KIAA1217: variants seen among roughly 807,000 people sequenced by gnomAD.
KIAA1217 encodes sickle tail protein homolog.
KIAA1217 carries 88 observed loss-of-function variants against 163.9 expected under a neutral mutation model. The ratio of observed to expected loss-of-function variants is 0.54; its 90% CI spans 0.45 to 0.64. The LOEUF (loss-of-function observed/expected upper bound fraction) is 0.64. Among genes scored for constraint, KIAA1217 ranks in the 30% least tolerant of loss-of-function variants. The probability of loss-of-function intolerance (pLI) is 0.00; values close to 1 mark genes in which losing one functional copy is unlikely to be tolerated. For missense variants in KIAA1217, 2,372 were observed against 2,475.0 expected (o/e 0.96, Z 0.88); for synonymous variants, 903 against 923.1 (o/e 0.98, Z 0.39).
At chr10:24,502,979 A>G (rs1489528995) in intron 9 of KIAA1217, among the ~76,000 whole-genome samples, 3 of 152,088 alleles carry the variant, frequency 2.0e-5, no homozygotes, top group African/African-American at 7.2e-5. Flanking sequence ...GACCAAGACT[A>G]TGTCTCAAAA....
intron 1 of KIAA1217, among the ~76,000 whole-genome samples, chr10:23,954,477 A>G (rs1186104908): frequency 3.3e-5 from 5 of 151,908 alleles, no homozygotes; most frequent in African/African-American, 1.2e-4. Context: ...AGGTGGGAGG[A>G]TTGTTTGAGC....
intron 1 of KIAA1217, among the ~76,000 whole-genome samples, chr10:23,805,588 C>T (rs1274389568): frequency 6.6e-6 from 1 of 152,054 alleles, no homozygotes; most frequent in Non-Finnish European, 1.5e-5. Flanking sequence ...GGCTTAATAC[C>T]TGGGTGATAA....
intron 2 of KIAA1217, among the ~76,000 whole-genome samples, chr10:24,303,806 G>T (rs2041669149): frequency 6.6e-6 from 1 of 151,834 alleles, no homozygotes; most frequent in East Asian, 1.9e-4. Flanking sequence ...TAACTCTTGT[G>T]TTTGACTTAA....
At chr10:24,426,928 G>A (rs77430096) in intron 3 of KIAA1217, among the ~76,000 whole-genome samples, 2,862 of 152,262 alleles carry the variant, frequency 0.019, 93 homozygotes, top group African/African-American at 0.065. Context: ...ATACCATGTT[G>A]AGATAAAGAT....
chr10:24,323,799 G>A (rs1236151829), intron 2 of KIAA1217, among the ~76,000 whole-genome samples: 1 of 95,966 alleles, frequency 1.0e-5, no homozygotes, highest in African/African-American at 5.0e-5. Context: ...GTGTGTGTGT[G>A]TGTGTGTGTG....
chr10:23,886,913 A>C (rs1841199040), intron 1 of KIAA1217, among the ~76,000 whole-genome samples: 1 of 151,822 alleles, frequency 6.6e-6, no homozygotes, highest in Non-Finnish European at 1.5e-5. Flanking sequence ...CAAATTCTCC[A>C]ACTGCTGTAA....
At chr10:24,141,231 C>CCCCCCA (rs1554882512) in intron 2 of KIAA1217, among the ~76,000 whole-genome samples, 1 of 128,074 alleles carries the variant, frequency 7.8e-6, no homozygotes, top group African/African-American at 2.8e-5. Flanking sequence ...ATAAACCCCC[C>CCCCCCA]CCCCCCATTT....
At chr10:23,700,147 C>T (rs763500557) in intron 1 of KIAA1217, among the ~76,000 whole-genome samples, 3 of 152,184 alleles carry the variant, frequency 2.0e-5, no homozygotes, top group Non-Finnish European at 2.9e-5. Flanking sequence ...GCTTCTCTCA[C>T]TTATTCCTTC....
At chr10:23,869,348 C>T (rs1394703457) in intron 1 of KIAA1217, among the ~76,000 whole-genome samples, 3 of 151,798 alleles carry the variant, frequency 2.0e-5, no homozygotes, top group Admixed American at 6.6e-5. Context: ...CTGAAATAAA[C>T]GTGATGTGTT....
At position 24,273,649 on chromosome 10, in the gene KIAA1217, C is replaced by T. The variant is rs146943932; in HGVS notation, c.354+53740C>T. Among the ~76,000 whole-genome samples the T allele has an allele frequency of 9.3e-3, 1,415 of 151,978 alleles. 28 individuals are homozygous for T. The highest frequency in any genetic ancestry group is 0.087 in the East Asian group (449 of 5,160). On this transcript the variant is annotated intron_variant, in intron 2 of 20. Coordinates refer to ENST00000376454, the MANE Select transcript of KIAA1217 (RefSeq NM_019590.5). ...GGTGGATCACCTGAGGTCAGGAGTT[C>T]GAGACCAGCCTGGCCAACATAGTGA...
chr10:23,851,437 A>G (rs1839314762), intron 1 of KIAA1217, among the ~76,000 whole-genome samples: 1 of 152,206 alleles, frequency 6.6e-6, no homozygotes, highest in Non-Finnish European at 1.5e-5. Context: ...GTTGGTTCCA[A>G]GTCTTTGCTA....
At chr10:24,158,475 G>A (rs1013444081) in intron 2 of KIAA1217, 63 of 537,322 alleles carry the variant, frequency 1.2e-4, no homozygotes, top group African/African-American at 1.1e-3. Flanking sequence ...TTCATTATCA[G>A]TCTAAACTGC....
At chr10:24,081,814 G>T (rs895434686) in intron 2 of KIAA1217, among the ~76,000 whole-genome samples, 1 of 152,174 alleles carries the variant, frequency 6.6e-6, no homozygotes, top group African/African-American at 2.4e-5. Flanking sequence ...GGGGACTGAG[G>T]GTTAGACAAG....
chr10:23,908,294 C>A (rs1204180109), intron 1 of KIAA1217, among the ~76,000 whole-genome samples: 3 of 151,708 alleles, frequency 2.0e-5, no homozygotes, highest in African/African-American at 7.3e-5. Flanking sequence ...TTTTTCAAAT[C>A]TTTTCCATAA....
chr10:24,015,081 T>C (rs1278655149), intron 2 of KIAA1217, among the ~76,000 whole-genome samples: 1 of 152,140 alleles, frequency 6.6e-6, no homozygotes, highest in Non-Finnish European at 1.5e-5. Flanking sequence ...TTGGCTGTCA[T>C]TGCTACAACC....
intron 1 of KIAA1217, among the ~76,000 whole-genome samples, chr10:23,794,152 A>C (rs1260135260): frequency 6.6e-6 from 1 of 152,152 alleles, no homozygotes; most frequent in Non-Finnish European, 1.5e-5. Flanking sequence ...GAAATGTGTC[A>C]TGTCTTCCCA....
intron 6 of KIAA1217, among the ~76,000 whole-genome samples, chr10:24,483,423 T>C (rs2064959571): frequency 6.6e-6 from 1 of 152,142 alleles, no homozygotes; most frequent in African/African-American, 2.4e-5. Flanking sequence ...GTGAGACCTT[T>C]CATGTCGAGC....
At chr10:24,337,635 CTTTTCTTTTCTTTTCT>C (rs1554821323) in intron 2 of KIAA1217, among the ~76,000 whole-genome samples, 1 of 56,252 alleles carries the variant, frequency 1.8e-5, no homozygotes, top group Non-Finnish European at 3.3e-5. Context: ...CTTTTCTTTT[CTTTTCTTTTCTTTTCT>C]TTTTTTTTTT....
chr10:24,260,586 C>CAA lies in KIAA1217; in HGVS notation c.354+40697_354+40698dup, dbSNP rs11352927. 4.7e-3 allele frequency among the ~76,000 whole-genome samples: 287 copies of CAA among 61,120 alleles called. 16 individuals are homozygous for CAA. The highest frequency in any genetic ancestry group is 0.014 in the African/African-American group (231 of 16,722). The allele number at this position is 61,120 out of a possible 152,430, so 40.1% of individuals were successfully genotyped here. On this transcript the variant is annotated intron_variant, in intron 2 of 20. Coordinates refer to ENST00000376454, the MANE Select transcript of KIAA1217 (RefSeq NM_019590.5). ...GCAACTTTGTGAGACCTCATCTCTA[C>CAA]AAAAAAAAAAAAAAAAAAAAAGCCA...
Sources: allele counts gnomAD v4.1 joint callset (sites outside exome capture counted in the v4.1 genomes callset), GRCh38; gene constraint gnomAD v4.1.1; transcripts MANE v1.5; gene names NCBI Gene and HGNC (gene_info 2026-07-23, HGNC 2026-07-21).